The following CNTNAP2 variants were observed in gnomAD, a reference collection of about 807,000 sequenced individuals.
CNTNAP2 encodes contactin associated protein 2, also known as contactin-associated protein-like 2.
A neutral mutation model predicts 155.2 loss-of-function variants in CNTNAP2; 98 were observed. The ratio of observed to expected loss-of-function variants is 0.63; its 90% CI spans 0.54 to 0.75. The LOEUF (loss-of-function observed/expected upper bound fraction) is 0.75, where lower values mean the gene tolerates loss of function less well. CNTNAP2 is among the 30% of genes least tolerant of loss of function. CNTNAP2 has a pLI of 0.00. For missense variants in CNTNAP2, 1,727 were observed against 1,688.1 expected (o/e 1.02, Z -0.40); for synonymous variants, 651 against 631.2 (o/e 1.03, Z -0.47).
chr7:146,721,836 C>CTA (rs200570814), intron 1 of CNTNAP2, among the ~76,000 whole-genome samples: 12 of 99,136 alleles, frequency 1.2e-4, no homozygotes, highest in Non-Finnish European at 2.1e-4. Flanking sequence ...TATATATAGT[C>CTA]TATATATATA....
At chr7:148,269,529 A>G (rs191716446) in intron 21 of CNTNAP2, among the ~76,000 whole-genome samples, 1 of 152,380 alleles carries the variant, frequency 6.6e-6, no homozygotes, top group Admixed American at 6.5e-5. Context: ...ATCCCTGATT[A>G]TGAACCTCAT....
intron 1 of CNTNAP2, among the ~76,000 whole-genome samples, chr7:146,507,729 T>G (rs895771688): frequency 2.0e-5 from 3 of 152,166 alleles, no homozygotes; most frequent in Non-Finnish European, 1.5e-5. Flanking sequence ...CAAATGTTGC[T>G]GTAGGAGGGG....
At chr7:148,388,921 G>A (rs1799281116) in intron 22 of CNTNAP2, among the ~76,000 whole-genome samples, 1 of 152,172 alleles carries the variant, frequency 6.6e-6, no homozygotes, top group Admixed American at 6.5e-5. Flanking sequence ...ACCCGGCCAT[G>A]TGAAGTGTCA....
At chr7:147,805,183 T>A (rs1474468451) in intron 13 of CNTNAP2, among the ~76,000 whole-genome samples, 3 of 152,022 alleles carry the variant, frequency 2.0e-5, no homozygotes, top group Non-Finnish European at 4.4e-5. Flanking sequence ...GCGATTCTCC[T>A]GCCTCAGCCT....
chr7:148,048,037 C>T (rs980984558), intron 15 of CNTNAP2, among the ~76,000 whole-genome samples: 47 of 152,186 alleles, frequency 3.1e-4, no homozygotes, highest in African/African-American at 1.1e-3. Flanking sequence ...CATTCTCCTG[C>T]CTCAGCCTCC....
intron 14 of CNTNAP2, among the ~76,000 whole-genome samples, chr7:147,965,051 A>C (rs1221068628): frequency 2.0e-5 from 3 of 152,148 alleles, no homozygotes; most frequent in African/African-American, 7.2e-5. Context: ...CTATTTCAGA[A>C]AAGCCATGTG....
chr7:146,380,226 C>G (rs1795361429), intron 1 of CNTNAP2, among the ~76,000 whole-genome samples: 1 of 152,106 alleles, frequency 6.6e-6, no homozygotes, highest in Admixed American at 6.5e-5. Context: ...ACTCAAATTG[C>G]CCATAGCTAC....
intron 14 of CNTNAP2, among the ~76,000 whole-genome samples, chr7:147,947,788 G>C (rs1373432730): frequency 6.6e-6 from 1 of 152,118 alleles, no homozygotes; most frequent in Admixed American, 6.5e-5. Context: ...GCATGCCAAA[G>C]AGCCATATTT....
chr7:147,666,816 G>C (rs576025829), intron 13 of CNTNAP2, among the ~76,000 whole-genome samples: 1 of 152,200 alleles, frequency 6.6e-6, no homozygotes, highest in Non-Finnish European at 1.5e-5. Flanking sequence ...TGGAAAATCA[G>C]TAATGGTTAT....
Position 146,194,169 on chromosome 7 carries a change from A to G in CNTNAP2, c.97+77196A>G, listed in dbSNP as rs190792580. 5.9e-5 allele frequency among the ~76,000 whole-genome samples: 9 copies of G among 152,290 alleles called. No homozygotes were observed. In the East Asian group the frequency reaches 1.7e-3, roughly 29 times the overall value. ...CTGTTCCAAGCTCTGCCTGTTACTG[A>G]ATTCCAAAGTCACTTCCACATTTTC... is the stretch of plus-strand genomic sequence containing the variant. On this transcript the variant is annotated intron_variant, in intron 1 of 23. Transcript: ENST00000361727.
intron 8 of CNTNAP2, among the ~76,000 whole-genome samples, chr7:147,250,910 T>G (rs573862267): frequency 6.6e-6 from 1 of 152,148 alleles, no homozygotes. Context: ...GGCTATCTCA[T>G]GTTTTCTCTT....
At chr7:146,926,563 G>A (rs904478157) in intron 3 of CNTNAP2, among the ~76,000 whole-genome samples, 70 of 152,008 alleles carry the variant, frequency 4.6e-4, no homozygotes, top group Non-Finnish European at 8.5e-4. Flanking sequence ...ATTCTTGAAC[G>A]GGCCTCCTTC....
At chr7:147,206,606 C>T (rs1803028751) in intron 8 of CNTNAP2, among the ~76,000 whole-genome samples, 1 of 152,074 alleles carries the variant, frequency 6.6e-6, no homozygotes, top group Non-Finnish European at 1.5e-5. Context: ...TAAACACCTA[C>T]ATTACACAGT....
intron 15 of CNTNAP2, among the ~76,000 whole-genome samples, chr7:148,082,310 G>A (rs17481451): frequency 0.051 from 7,755 of 152,294 alleles, 255 homozygotes; most frequent in Admixed American, 0.11. Flanking sequence ...AAGGGCTGAA[G>A]GGCATCCAGT....
At chr7:148,198,074 C>T (rs1275620057) in intron 18 of CNTNAP2, among the ~76,000 whole-genome samples, 1 of 152,220 alleles carries the variant, frequency 6.6e-6, no homozygotes, top group African/African-American at 2.4e-5. Flanking sequence ...AGACTCCCAA[C>T]TTCCATGTGA....
intron 21 of CNTNAP2, among the ~76,000 whole-genome samples, chr7:148,301,306 A>AAAAAAAAAT: frequency 1.1e-4 from 11 of 103,852 alleles, no homozygotes; most frequent in Non-Finnish European, 1.7e-4. Flanking sequence ...AAAAAAAAAA[A>AAAAAAAAAT]ATATATATAT....
intron 1 of CNTNAP2, among the ~76,000 whole-genome samples, chr7:146,523,255 A>G (rs575523227): frequency 1.1e-3 from 161 of 152,220 alleles, no homozygotes; most frequent in African/African-American, 3.6e-3. Flanking sequence ...CTAAACATTT[A>G]TATATCATCA....
At chr7:147,116,138 G>A (rs1046675002) in intron 5 of CNTNAP2, among the ~76,000 whole-genome samples, 9 of 152,280 alleles carry the variant, frequency 5.9e-5, no homozygotes, top group African/African-American at 1.9e-4. Flanking sequence ...GTACCTGGAA[G>A]TATAATATCA....
intron 21 of CNTNAP2, among the ~76,000 whole-genome samples, chr7:148,346,509 T>C (rs921629909): frequency 3.8e-4 from 58 of 152,216 alleles, no homozygotes; most frequent in African/African-American, 1.4e-3. Flanking sequence ...CGGTGGCTCA[T>C]GCCTTTAATC....
Sources: allele counts gnomAD v4.1 joint callset (sites outside exome capture counted in the v4.1 genomes callset), GRCh38; gene constraint gnomAD v4.1.1; transcripts MANE v1.5; gene names NCBI Gene and HGNC (gene_info 2026-07-23, HGNC 2026-07-21).